The following HAUS2 variants were observed in gnomAD, a reference collection of about 807,000 sequenced individuals.
HAUS2 encodes the protein HAUS augmin like complex subunit 2.
Under a neutral mutation model 21.6 loss-of-function variants are expected in HAUS2, and 20 were observed. The observed-to-expected ratio is 0.93, with a 90% CI of 0.65 to 1.35. The LOEUF (loss-of-function observed/expected upper bound fraction) is 1.35. Ranked by LOEUF, HAUS2 falls within the 40% of genes most tolerant of loss-of-function variation. The pLI, the probability that HAUS2 is intolerant of heterozygous loss-of-function variation, is 0.00. For missense variants in HAUS2, 297 were observed against 280.7 expected, an observed-to-expected ratio of 1.06 and a Z score of -0.42; for synonymous variants, 113 against 95.6, an observed-to-expected ratio of 1.18 and a Z score of -1.06.
rs1566837039 is a variant in HAUS2, at chr15:42,566,911, A to G, written c.*95A>G. On this transcript the variant is annotated 3_prime_UTR_variant, in exon 6 of 6. Transcript: ENST00000260372. ...GTATTAATAGTCTTTGCTGCTGGTA[A>G]TACTGAAAGAACCTGCTTTATATTG... The G allele has an allele frequency of 1.3e-5, 8 of 638,128 alleles. No individual in the cohort carries two copies. The highest frequency in any genetic ancestry group is 2.8e-5 in the Admixed American group (1 of 36,058). The allele number at this position is 638,128 out of a possible 1,614,324, so 39.5% of individuals were successfully genotyped here.
chr15:42,568,212 A>G lies in HAUS2; in HGVS notation c.*1396A>G, dbSNP rs2057925479. The G allele has an allele frequency of 6.6e-6, 1 of 152,212 alleles. No individual in the cohort carries two copies. Among genetic ancestry groups the G allele is most frequent in the African/African-American group, 2.4e-5 (1 of 41,454 alleles). 9.4% of individuals were successfully genotyped at this position (152,212 alleles called of 1,614,324 possible). ...TCTGGGAACTTAGATATCAGAAGGTATCTTAGTCTGTTCTGCTGTCATAAC... is the reference window on the plus strand; with the variant it reads ...TCTGGGAACTTAGATATCAGAAGGTGTCTTAGTCTGTTCTGCTGTCATAAC... On this transcript the variant is annotated 3_prime_UTR_variant, in exon 6 of 6. Coordinates refer to ENST00000260372, the MANE Select transcript of HAUS2 (RefSeq NM_018097.3).
In HAUS2 at chr15:42,548,911, T is replaced by C. The variant is rs1462965740; in HGVS notation, c.39T>C (p.Pro13=). 2 of 1,543,792 alleles carry C rather than the reference T, an allele frequency of 1.3e-6. No homozygotes were observed. The highest frequency in any genetic ancestry group is 1.8e-6 in the Non-Finnish European group (2 of 1,142,170). ...AANPWDPASA[P]NGAGLVLGHF... ...ACCCGTGGGACCCGGCGTCCGCGCC[T>C]AACGGCGCTGGGCTAGTGCTAGGCC... Residue 13 remains proline (P), a synonymous_variant, in exon 1 of 6, where the codon CCT becomes CCC. Transcript: ENST00000260372.
At chr15:42,556,467 G>A (rs1472970969) in intron 1 of HAUS2, among the ~76,000 whole-genome samples, 1 of 151,310 alleles carries the variant, frequency 6.6e-6, no homozygotes, top group African/African-American at 2.4e-5. Flanking sequence ...GTTTCACCAT[G>A]TTGTCCAGGC....
At chr15:42,552,086 A>G (rs1490556549) in intron 1 of HAUS2, among the ~76,000 whole-genome samples, 13 of 151,706 alleles carry the variant, frequency 8.6e-5, no homozygotes, top group African/African-American at 3.2e-4. Context: ...ACAGTGGCAC[A>G]ATCTTGGCTC....
In HAUS2 at chr15:42,566,545, T is replaced by G. The variant is rs1245396405; in HGVS notation, c.499-62T>G. On this transcript the variant is annotated intron_variant, in intron 5 of 5. Transcript: ENST00000260372. ...TGTGTTAACCTTTGGTATCAGTTAC[T>G]GATGATATAATGAATTAATAAGAGA... The G allele has an allele frequency of 2.9e-5, 26 of 900,700 alleles. No individual in the cohort carries two copies. In the East Asian group the frequency reaches 5.8e-4, roughly 20 times the overall value. 55.8% of individuals were successfully genotyped at this position (900,700 alleles called of 1,614,324 possible).
chr15:42,565,397 GT>G (rs2057896494), intron 5 of HAUS2, among the ~76,000 whole-genome samples: 1 of 101,304 alleles, frequency 9.9e-6, no homozygotes, highest in African/African-American at 7.7e-5. Context: ...ATGTGTGTGT[GT>G]GTGTGTGTGT....
intron 1 of HAUS2, among the ~76,000 whole-genome samples, chr15:42,551,106 G>A (rs999960580): frequency 6.8e-6 from 1 of 147,586 alleles, no homozygotes; most frequent in South Asian, 2.1e-4. Flanking sequence ...ATCAATTCTC[G>A]TGCTCCCGAG....
chr15:42,565,338 C>A (rs2057895522), intron 5 of HAUS2, among the ~76,000 whole-genome samples: 1 of 151,270 alleles, frequency 6.6e-6, no homozygotes, highest in Non-Finnish European at 1.5e-5. Context: ...CCTTAAAAAC[C>A]AGACTAATAA....
rs2141608864 is a variant in HAUS2 at position 42,566,918 on chromosome 15, AAG to A, written c.*104_*105del. On this transcript the variant is annotated 3_prime_UTR_variant, in exon 6 of 6. Transcript: ENST00000260372. ...TAGTCTTTGCTGCTGGTAATACTGA[AAG>A]AACCTGCTTTATATTGGAGTATCAA... 1.9e-5 allele frequency: 12 copies of A among 624,528 alleles called. No homozygotes were observed. In the South Asian group the frequency reaches 2.4e-4, roughly 12 times the overall value. The allele number at this position is 624,528 out of a possible 1,614,324, so 38.7% of individuals were successfully genotyped here.
chr15:42,555,213 C>A (rs543687843), intron 1 of HAUS2, among the ~76,000 whole-genome samples: 85 of 152,070 alleles, frequency 5.6e-4, no homozygotes, highest in African/African-American at 2.0e-3. Context: ...GTCTCGATCT[C>A]CTGACCTCGT....
chr15:42,563,495 C>T (rs183269579), intron 4 of HAUS2, among the ~76,000 whole-genome samples: 41 of 150,396 alleles, frequency 2.7e-4, no homozygotes, highest in African/African-American at 1.0e-3. Flanking sequence ...GTTTCTCTAA[C>T]ATTAAGTTGG....
chr15:42,561,152 A>C (rs2057848356), intron 3 of HAUS2, 118 bp from the exon 4 acceptor site: 1 of 623,920 alleles, frequency 1.6e-6, no homozygotes, highest in Admixed American at 2.8e-5. Flanking sequence ...AAAAGGAGAC[A>C]GGAGGGTAAT....
At chr15:42,563,425 A>G (rs960904886) in intron 4 of HAUS2, among the ~76,000 whole-genome samples, 28 of 151,888 alleles carry the variant, frequency 1.8e-4, no homozygotes, top group Admixed American at 1.2e-3. Context: ...AAAAAAAAAA[A>G]AAAAGAAAAG....
chr15:42,560,308 G>C (rs1162330279), intron 3 of HAUS2, among the ~76,000 whole-genome samples: 1 of 151,980 alleles, frequency 6.6e-6, no homozygotes, highest in Non-Finnish European at 1.5e-5. Context: ...TCCTCTTCTT[G>C]GGAAATACAT....
At chr15:42,550,642 A>T (rs1048410530) in intron 1 of HAUS2, among the ~76,000 whole-genome samples, 10 of 151,976 alleles carry the variant, frequency 6.6e-5, no homozygotes, top group Admixed American at 3.9e-4. Flanking sequence ...AGCACTCTAC[A>T]GTGTAATCCT....
chr15:42,551,917 C>T (rs2057729747), intron 1 of HAUS2, among the ~76,000 whole-genome samples: 1 of 152,162 alleles, frequency 6.6e-6, no homozygotes, highest in African/African-American at 2.4e-5. Context: ...TTCTGACAAC[C>T]TTACTACACA....
At chr15:42,560,968 T>C (rs1198166023) in intron 3 of HAUS2, 2 of 611,570 alleles carry the variant, frequency 3.3e-6, no homozygotes, top group African/African-American at 3.7e-5. Context: ...GTTAAGAATA[T>C]AGCTCTGGCT....
chr15:42,553,188 T>C (rs2057742101), intron 1 of HAUS2, among the ~76,000 whole-genome samples: 1 of 152,042 alleles, frequency 6.6e-6, no homozygotes, highest in Non-Finnish European at 1.5e-5. Flanking sequence ...GGTTTCACCA[T>C]GTTGGTCAGG....
Position 42,557,361 on chromosome 15 carries a change from A to T in HAUS2, c.94-837A>T, listed in dbSNP as rs1231420577. Among the ~76,000 whole-genome samples, 37 of 9,730 alleles carry T rather than the reference A, an allele frequency of 3.8e-3. 10 individuals are homozygous for T. Among genetic ancestry groups the T allele is most frequent in the African/African-American group, 6.5e-3 (36 of 5,554 alleles). The allele number at this position is 9,730 out of a possible 152,430, so 6.4% of individuals were successfully genotyped here. ...AATATATATTTTATATATAATATAT[A>T]TTTTATATATATTATATATTTTATA... On this transcript the variant is annotated intron_variant, in intron 1 of 5. Transcript: ENST00000260372.
Sources: allele counts gnomAD v4.1 joint callset (sites outside exome capture counted in the v4.1 genomes callset), GRCh38; gene constraint gnomAD v4.1.1; transcripts MANE v1.5; gene names NCBI Gene and HGNC (gene_info 2026-07-23, HGNC 2026-07-21).